The following GALNT14 variants were observed in gnomAD, a reference collection of about 807,000 sequenced individuals.
GALNT14 encodes UDP-GalNAc:polypeptide N-acetylgalactosaminyltransferase 14.
In GALNT14, 60 loss-of-function variants were observed where a neutral mutation model predicts 77.5. The ratio of observed to expected loss-of-function variants is 0.77; its 90% confidence interval spans 0.63 to 0.96. GALNT14 has a LOEUF of 0.96. Among genes scored for constraint, GALNT14 ranks in the 40% least tolerant of loss-of-function variants. GALNT14 has a pLI of 0.00. For synonymous variants in GALNT14, 280 were observed against 281.7 expected, an observed-to-expected ratio of 0.99 and a Z score of 0.06; for missense variants, 710 against 731.0, an observed-to-expected ratio of 0.97 and a Z score of 0.33.
At chr2:30,896,844 G>GA in the GALNT14 span, among the ~76,000 whole-genome samples, 121 of 151,452 alleles carry the variant, frequency 8.0e-4, 1 homozygote, top group Middle Eastern at 6.8e-3. Flanking sequence ...CCCACAATTG[G>GA]AAAAATAGCC....
At chr2:30,910,102 C>T (rs550265697), downstream of GALNT14, among the ~76,000 whole-genome samples, 37 of 150,966 alleles carry the variant, frequency 2.5e-4, no homozygotes, top group Non-Finnish European at 4.0e-4. Flanking sequence ...GGAGATATAC[C>T]TAATGCTAGA....
At chr2:31,069,525 T>G (rs1303559601) in intron 1 of GALNT14, among the ~76,000 whole-genome samples, 2 of 152,204 alleles carry the variant, frequency 1.3e-5, no homozygotes, top group Non-Finnish European at 2.9e-5. Context: ...GTTGAATGAA[T>G]GTGATACTTT....
chr2:31,073,858 G>C (rs1019905923), intron 1 of GALNT14, among the ~76,000 whole-genome samples: 1 of 152,206 alleles, frequency 6.6e-6, no homozygotes, highest in Non-Finnish European at 1.5e-5. Context: ...CAGACCGCTG[G>C]ATGGTCCAAG....
chr2:30,963,416 T>C lies in GALNT14; in HGVS notation c.398+2788A>G, dbSNP rs939677865. 2.9e-4 allele frequency among the ~76,000 whole-genome samples: 44 copies of C among 152,324 alleles called. 1 individual carries two copies. The highest frequency in any genetic ancestry group is 1.0e-3 in the African/African-American group (43 of 41,566). On this transcript the variant is annotated intron_variant, in intron 3 of 14. Coordinates refer to ENST00000349752, the MANE Select transcript of GALNT14 (RefSeq NM_024572.4). Reference sequence around the variant, plus strand: ...GTTCTGCAGGCCACAAAGCTCAGGATACATTTAACACGGTAATCTTATTAA... The same window carrying C: ...GTTCTGCAGGCCACAAAGCTCAGGACACATTTAACACGGTAATCTTATTAA...
intron 1 of GALNT14, among the ~76,000 whole-genome samples, chr2:31,099,514 A>G (rs749992995): frequency 2.0e-5 from 3 of 151,970 alleles, no homozygotes; most frequent in Non-Finnish European, 2.9e-5. Context: ...TCCTTCTGGT[A>G]CTTTCATAGT....
chr2:30,980,803 C>A (rs1170110145), intron 2 of GALNT14, among the ~76,000 whole-genome samples: 1 of 152,216 alleles, frequency 6.6e-6, no homozygotes, highest in African/African-American at 2.4e-5. Flanking sequence ...AGGCATGGGC[C>A]GAGCGCGGTG....
intron 1 of GALNT14, among the ~76,000 whole-genome samples, chr2:31,014,247 G>T (rs1159622232): frequency 1.3e-5 from 2 of 152,232 alleles, no homozygotes; most frequent in Non-Finnish European, 2.9e-5. Flanking sequence ...GAATAAAAGT[G>T]AACATCTCCC....
downstream of GALNT14, among the ~76,000 whole-genome samples, chr2:30,906,001 A>C (rs2148185926): frequency 6.6e-6 from 1 of 151,170 alleles, no homozygotes; most frequent in Non-Finnish European, 1.5e-5. Context: ...CTTTACAGAC[A>C]AGCAAATGCT....
chr2:30,981,856 AGCT>A (rs1267635612), intron 2 of GALNT14, among the ~76,000 whole-genome samples: 1 of 152,184 alleles, frequency 6.6e-6, no homozygotes, highest in African/African-American at 2.4e-5. Flanking sequence ...ACACCCAGGG[AGCT>A]GAAGGCATTG....
At chr2:31,078,974 G>A in intron 1 of GALNT14, 13 of 1,289,230 alleles carry the variant, frequency 1.0e-5, no homozygotes, top group African/African-American at 1.5e-5. Flanking sequence ...TCCATGCCTG[G>A]GAGGGAGAGC....
intron 2 of GALNT14, among the ~76,000 whole-genome samples, chr2:30,968,565 T>A (rs1285761584): frequency 6.6e-6 from 1 of 152,200 alleles, no homozygotes; most frequent in Non-Finnish European, 1.5e-5. Flanking sequence ...TGCTGAAGGC[T>A]GGCACCAACT....
intron 6 of GALNT14, among the ~76,000 whole-genome samples, chr2:30,953,790 C>T (rs1667187519): frequency 6.6e-6 from 1 of 152,136 alleles, no homozygotes; most frequent in African/African-American, 2.4e-5. Context: ...GGACACTGCC[C>T]AAAATAGGTG....
intron 2 of GALNT14, among the ~76,000 whole-genome samples, chr2:30,983,946 A>G (rs1669141568): frequency 6.6e-6 from 1 of 152,208 alleles, no homozygotes; most frequent in Non-Finnish European, 1.5e-5. Context: ...CCAAGCATGG[A>G]CTAGCTGTGT....
intron 1 of GALNT14, among the ~76,000 whole-genome samples, chr2:31,087,870 G>A (rs991058366): frequency 4.6e-5 from 7 of 152,156 alleles, no homozygotes; most frequent in Non-Finnish European, 8.8e-5. Flanking sequence ...AGGTGATAAG[G>A]TCATTATGAT....
chr2:30,971,774 A>G (rs1039172740), intron 2 of GALNT14, among the ~76,000 whole-genome samples: 3 of 151,692 alleles, frequency 2.0e-5, no homozygotes, highest in African/African-American at 7.3e-5. Flanking sequence ...CTGCACCTGA[A>G]TATGTGACAA....
chr2:31,062,328 C>T (rs1674652084), intron 1 of GALNT14, among the ~76,000 whole-genome samples: 1 of 152,084 alleles, frequency 6.6e-6, no homozygotes, highest in Admixed American at 6.5e-5. Flanking sequence ...GTTTTCTGTT[C>T]CTGTTAGTTT....
chr2:31,103,284 C>T (rs1284462835), intron 1 of GALNT14, among the ~76,000 whole-genome samples: 5 of 152,020 alleles, frequency 3.3e-5, no homozygotes, highest in African/African-American at 1.2e-4. Context: ...ATATAATAAT[C>T]TTAACCTATG....
chr2:31,000,874 C>A (rs1344188119), intron 1 of GALNT14, among the ~76,000 whole-genome samples: 1 of 152,160 alleles, frequency 6.6e-6, no homozygotes, highest in African/African-American at 2.4e-5. Context: ...ATTAGAATCC[C>A]AGAGGGAACT....
At chr2:30,952,767 A>G (rs985787873) in intron 6 of GALNT14, among the ~76,000 whole-genome samples, 2 of 152,090 alleles carry the variant, frequency 1.3e-5, no homozygotes, top group Non-Finnish European at 2.9e-5. Flanking sequence ...TAATAAAAAA[A>G]AAAAAAAAGA....
Sources: gnomAD v4.1 joint callset for allele counts (sites outside exome capture counted in the v4.1 genomes callset) on GRCh38, gnomAD v4.1.1 for gene constraint, MANE v1.5 for transcripts, NCBI Gene and HGNC (gene_info 2026-07-23, HGNC 2026-07-21) for gene names.